DCC: variants seen among roughly 807,000 people sequenced by gnomAD.
DCC encodes DCC netrin 1 receptor, also known as netrin receptor DCC.
A neutral mutation model predicts 172.5 loss-of-function variants in DCC; 58 were observed. The ratio of observed to expected loss-of-function variants is 0.34; its 90% CI spans 0.27 to 0.42. The LOEUF is 0.42. Ranked by LOEUF, DCC falls within the 10% of genes least tolerant of loss-of-function variation. The pLI is 1.00. For synonymous variants in DCC, 709 were observed against 644.5 expected (o/e 1.10, Z -1.52); for missense variants, 1,740 against 1,791.0 (o/e 0.97, Z 0.51).
intron 3 of DCC, among the ~76,000 whole-genome samples, chr18:52,921,991 C>T (rs904459130): frequency 4.6e-5 from 7 of 151,832 alleles, no homozygotes; most frequent in African/African-American, 1.7e-4. Context: ...TGGGAACTTT[C>T]GTGTTCAGGA....
chr18:52,635,609 A>G (rs2034761082), intron 1 of DCC, among the ~76,000 whole-genome samples: 1 of 152,206 alleles, frequency 6.6e-6, no homozygotes, highest in African/African-American at 2.4e-5. Flanking sequence ...ACACTTATAA[A>G]TTCAGTTATC....
intron 12 of DCC, among the ~76,000 whole-genome samples, chr18:53,269,013 C>A (rs2056715970): frequency 1.3e-5 from 2 of 152,076 alleles, no homozygotes; most frequent in Non-Finnish European, 2.9e-5. Context: ...AACAGATGGT[C>A]TCAGCAGGAA....
chr18:53,227,567 G>A (rs2056053452), intron 12 of DCC, among the ~76,000 whole-genome samples: 1 of 152,276 alleles, frequency 6.6e-6, no homozygotes, highest in South Asian at 2.1e-4. Flanking sequence ...TAAAGTGTAT[G>A]TTGCATACAA....
At chr18:52,502,762 C>T (rs1408281110) in intron 1 of DCC, among the ~76,000 whole-genome samples, 2 of 152,168 alleles carry the variant, frequency 1.3e-5, no homozygotes, top group East Asian at 3.8e-4. Context: ...CATAATTCTT[C>T]CAGGATATTC....
chr18:52,595,157 G>A (rs2033881729), intron 1 of DCC, among the ~76,000 whole-genome samples: 1 of 152,156 alleles, frequency 6.6e-6, no homozygotes, highest in Admixed American at 6.5e-5. Flanking sequence ...CTGGAAGGAT[G>A]AGCAAATTAA....
intron 12 of DCC, among the ~76,000 whole-genome samples, chr18:53,248,054 G>A (rs1280059148): frequency 6.6e-6 from 1 of 151,900 alleles, no homozygotes; most frequent in Non-Finnish European, 1.5e-5. Context: ...GAATGTTCAG[G>A]AATAGATGCT....
At chr18:52,982,236 C>T (rs2041223759) in intron 5 of DCC, among the ~76,000 whole-genome samples, 1 of 151,988 alleles carries the variant, frequency 6.6e-6, no homozygotes, top group Non-Finnish European at 1.5e-5. Flanking sequence ...CAGGGTATTG[C>T]TTATTTTTGT....
intron 1 of DCC, among the ~76,000 whole-genome samples, chr18:52,687,860 A>G (rs2035867422): frequency 6.6e-6 from 1 of 152,076 alleles, no homozygotes; most frequent in Non-Finnish European, 1.5e-5. Context: ...CTAACAATGG[A>G]TTATTGCACT....
chr18:53,414,433 T>G (rs541700155), intron 20 of DCC, among the ~76,000 whole-genome samples: 53 of 152,298 alleles, frequency 3.5e-4, no homozygotes, highest in African/African-American at 1.2e-3. Context: ...AAGGTGGTGA[T>G]GGTTTCATAA....
At chr18:52,701,378 T>G (rs868653110) in intron 1 of DCC, among the ~76,000 whole-genome samples, 1 of 152,322 alleles carries the variant, frequency 6.6e-6, no homozygotes, top group South Asian at 2.1e-4. Flanking sequence ...TCCTGTAAGC[T>G]CAATGGGACA....
chr18:53,158,588 G>A (rs113225112), intron 8 of DCC, among the ~76,000 whole-genome samples: 3 of 152,170 alleles, frequency 2.0e-5, no homozygotes, highest in East Asian at 1.9e-4. Context: ...GTGCAGTACA[G>A]CTCCTCACCT....
intron 1 of DCC, among the ~76,000 whole-genome samples, chr18:52,566,105 C>T (rs1444685505): frequency 6.6e-6 from 1 of 152,088 alleles, no homozygotes; most frequent in African/African-American, 2.4e-5. Context: ...ATCCTTTCCC[C>T]ATTGCTTATT....
Position 52,972,672 on chromosome 18 carries a change from T to C in DCC, c.985+47302T>C, listed in dbSNP as rs1295357803. On this transcript the variant is annotated intron_variant, in intron 5 of 28. Transcript: ENST00000442544. ...AAAACTAAGGAATTAAAGTCTGCCT[T>C]ATCTACACTTTCCTCTTCTTTGCTA... Among the ~76,000 whole-genome samples, 3 of 151,694 alleles carry C rather than the reference T, an allele frequency of 2.0e-5. No homozygotes were observed. The East Asian group carries it at 5.8e-4, about 29-fold the overall frequency.
intron 25 of DCC, among the ~76,000 whole-genome samples, chr18:53,480,237 C>T (rs980270176): frequency 6.6e-6 from 1 of 152,154 alleles, no homozygotes; most frequent in Non-Finnish European, 1.5e-5. Context: ...AAGTTTCCTT[C>T]TCACAGTTCA....
At chr18:53,033,657 T>C (rs2042054720) in intron 5 of DCC, among the ~76,000 whole-genome samples, 1 of 152,104 alleles carries the variant, frequency 6.6e-6, no homozygotes, top group Non-Finnish European at 1.5e-5. Flanking sequence ...CATCTATTTT[T>C]CCCTCTGTGC....
At position 53,285,872 on chromosome 18, in the gene DCC, G is replaced by C. The variant is rs527801469; in HGVS notation, c.1912-19706G>C. On this transcript the variant is annotated intron_variant, in intron 12 of 28. Transcript: ENST00000442544. ...CCTGTATGTGAGACATGGAGTCAAA[G>C]GAGATCATTTTGGAGCTTTAAGATT... 3.3e-5 allele frequency among the ~76,000 whole-genome samples: 5 copies of C among 152,342 alleles called. No individual in the cohort carries two copies. The South Asian group carries it at 1.0e-3, about 32-fold the overall frequency.
intron 2 of DCC, among the ~76,000 whole-genome samples, chr18:52,767,795 C>T (rs2037278244): frequency 6.6e-6 from 1 of 152,096 alleles, no homozygotes; most frequent in South Asian, 2.1e-4. Context: ...ATTTATGTTG[C>T]CTGTGTAGTT....
intron 7 of DCC, among the ~76,000 whole-genome samples, chr18:53,083,323 A>C (rs997249662): frequency 6.6e-6 from 1 of 152,156 alleles, no homozygotes; most frequent in Non-Finnish European, 1.5e-5. Context: ...TCAATTGGCT[A>C]TAAGTAAAAT....
intron 5 of DCC, among the ~76,000 whole-genome samples, chr18:52,998,364 T>C (rs1006620102): frequency 1.3e-5 from 2 of 151,950 alleles, no homozygotes; most frequent in Non-Finnish European, 2.9e-5. Flanking sequence ...AACTAAGAAA[T>C]AGTGGGCAAG....
Sources: allele counts gnomAD v4.1 joint callset (sites outside exome capture counted in the v4.1 genomes callset), GRCh38; gene constraint gnomAD v4.1.1; transcripts MANE v1.5; gene names NCBI Gene and HGNC (gene_info 2026-07-23, HGNC 2026-07-21).